ARHGEF3: variants seen among roughly 807,000 people sequenced by gnomAD.
ARHGEF3 encodes Rho guanine nucleotide exchange factor 3.
Under a neutral mutation model 63.2 loss-of-function variants are expected in ARHGEF3, and 28 were observed. The observed-to-expected ratio is 0.44, with a 90% CI of 0.33 to 0.61. The LOEUF (loss-of-function observed/expected upper bound fraction) is 0.61, where lower values mean the gene tolerates loss of function less well. Ranked by LOEUF, ARHGEF3 falls within the 20% of genes least tolerant of loss-of-function variation. ARHGEF3 has a pLI of 0.03. For synonymous variants in ARHGEF3, 266 were observed against 254.2 expected (o/e 1.05, Z -0.44); for missense variants, 533 against 659.3 (o/e 0.81, Z 2.10).
At chr3:56,900,042 A>G (rs1477543378) in intron 3 of ARHGEF3, among the ~76,000 whole-genome samples, 2 of 151,932 alleles carry the variant, frequency 1.3e-5, no homozygotes, top group Non-Finnish European at 2.9e-5. Context: ...GGGAGGGGAG[A>G]GAGTGGAGGC....
intron 2 of ARHGEF3, among the ~76,000 whole-genome samples, chr3:56,977,576 G>T (rs1205356037): frequency 6.6e-6 from 1 of 152,292 alleles, no homozygotes; most frequent in Admixed American, 6.5e-5. Flanking sequence ...AGGTTCCCCA[G>T]GTCCCTGGAC....
chr3:57,058,532 T>G (rs1705040713), intron 1 of ARHGEF3, among the ~76,000 whole-genome samples: 1 of 152,182 alleles, frequency 6.6e-6, no homozygotes, highest in African/African-American at 2.4e-5. Flanking sequence ...GGAAAACTTT[T>G]ACACTGTTGG....
At chr3:56,739,647 G>A (rs1479956822) in intron 7 of ARHGEF3, among the ~76,000 whole-genome samples, 4 of 152,090 alleles carry the variant, frequency 2.6e-5, no homozygotes, top group Admixed American at 2.6e-4. Context: ...CGATCTGCCT[G>A]CCTCGGCCTC....
chr3:56,901,447 A>G lies in ARHGEF3; in HGVS notation c.130-19093T>C, dbSNP rs181386793. 8.2e-4 allele frequency among the ~76,000 whole-genome samples: 123 copies of G among 150,724 alleles called. 2 individuals carry two copies. The highest frequency in any genetic ancestry group is 2.1e-3 in the South Asian group (10 of 4,784). ...ATATGTACATATATATACATACTGTATATATATATATACAGTTGACTCTCA... is the reference window on the plus strand; with the variant it reads ...ATATGTACATATATATACATACTGTGTATATATATATACAGTTGACTCTCA... On this transcript the variant is annotated intron_variant, in intron 3 of 12. Coordinates refer to the ARHGEF3 transcript ENST00000338458.
chr3:56,967,328 TA>T, intron 2 of ARHGEF3, among the ~76,000 whole-genome samples: 1 of 109,366 alleles, frequency 9.1e-6, no homozygotes, highest in Non-Finnish European at 1.8e-5. Context: ...TATTATATAT[TA>T]TATATTGTAC....
intron 1 of ARHGEF3, among the ~76,000 whole-genome samples, chr3:56,795,655 C>CTTTTTTTTTTTTTTT (rs11306302): frequency 2.8e-4 from 37 of 130,556 alleles, no homozygotes; most frequent in East Asian, 1.1e-3. Flanking sequence ...GTCTCTCTCT[C>CTTTTTTTTTTTTTTT]TTTTTTTTTT....
At chr3:57,053,106 T>C (rs142880730) in intron 1 of ARHGEF3, among the ~76,000 whole-genome samples, 448 of 152,346 alleles carry the variant, frequency 2.9e-3, no homozygotes, top group Non-Finnish European at 5.0e-3. Context: ...GGTTCCCATA[T>C]GGGAAAATCC....
chr3:56,963,839 C>T (rs1700376078), intron 2 of ARHGEF3, among the ~76,000 whole-genome samples: 1 of 152,162 alleles, frequency 6.6e-6, no homozygotes, highest in Non-Finnish European at 1.5e-5. Flanking sequence ...GAGAGACTGG[C>T]AGGTGTTTAG....
intron 4 of ARHGEF3, among the ~76,000 whole-genome samples, chr3:56,833,830 C>G (rs956955275): frequency 3.3e-5 from 5 of 152,178 alleles, no homozygotes; most frequent in African/African-American, 1.2e-4. Context: ...GGAGACTCAG[C>G]CCCCAGTGCA....
chr3:56,807,767 C>G (rs1559958012), intron 4 of ARHGEF3, among the ~76,000 whole-genome samples: 1 of 152,198 alleles, frequency 6.6e-6, no homozygotes, highest in African/African-American at 2.4e-5. Context: ...TAAACTCATA[C>G]CAGTATTACT....
chr3:56,783,056 C>T (rs892854532), intron 1 of ARHGEF3, among the ~76,000 whole-genome samples: 1 of 152,032 alleles, frequency 6.6e-6, no homozygotes, highest in South Asian at 2.1e-4. Context: ...TTCGGGGGAG[C>T]CTTGAATAAG....
At chr3:57,061,942 C>A (rs962016721) in intron 1 of ARHGEF3, among the ~76,000 whole-genome samples, 1 of 152,164 alleles carries the variant, frequency 6.6e-6, no homozygotes, top group Non-Finnish European at 1.5e-5. Context: ...CCGGTTGTGA[C>A]AAAAACAAGG....
At chr3:56,966,853 A>AT (rs1700518097) in intron 2 of ARHGEF3, among the ~76,000 whole-genome samples, 1 of 111,802 alleles carries the variant, frequency 8.9e-6, no homozygotes, top group Non-Finnish European at 1.9e-5. Flanking sequence ...TTTTTTAATT[A>AT]TTATTATTAT....
At chr3:56,775,290 C>A in intron 1 of ARHGEF3, 1 of 1,224,168 alleles carries the variant, frequency 8.2e-7, no homozygotes, top group Non-Finnish European at 1.0e-6. Flanking sequence ...ACTCTCATGT[C>A]ATTTTATGCC....
intron 1 of ARHGEF3, among the ~76,000 whole-genome samples, chr3:57,038,310 C>T (rs998200007): frequency 6.6e-6 from 1 of 152,146 alleles, no homozygotes; most frequent in Admixed American, 6.5e-5. Context: ...CTCAATGAGG[C>T]CCCGGGGGTT....
intron 1 of ARHGEF3, 123 bp from the exon 2 acceptor site, chr3:56,773,939 A>T: frequency 1.3e-6 from 1 of 767,290 alleles, no homozygotes; most frequent in Non-Finnish European, 2.0e-6. Flanking sequence ...ATGGAATATA[A>T]AGTGTCACGT....
chr3:56,992,481 C>A (rs1701802775), intron 2 of ARHGEF3, among the ~76,000 whole-genome samples: 1 of 145,048 alleles, frequency 6.9e-6, no homozygotes, highest in Non-Finnish European at 1.5e-5. Context: ...ACATTATGAA[C>A]TGACTGTCAA....
In ARHGEF3 at chr3:56,737,175, A is replaced by G; in HGVS notation, c.1041+10T>C. ...GCGGATAAGACTGCTTAAAGGGAGT[A>G]ACTACTTACCACGCCCCGATTGTTC... On this transcript the variant is annotated intron_variant, in intron 8 of 9. Coordinates refer to ENST00000296315, the MANE Select transcript of ARHGEF3 (RefSeq NM_019555.3). 1.2e-6 allele frequency: 2 copies of G among 1,610,984 alleles called. No individual in the cohort carries two copies. The highest frequency in any genetic ancestry group is 2.7e-5 in the African/African-American group (2 of 74,922).
intron 3 of ARHGEF3, among the ~76,000 whole-genome samples, chr3:56,956,390 C>A (rs1291345269): frequency 6.6e-6 from 1 of 152,046 alleles, no homozygotes; most frequent in Non-Finnish European, 1.5e-5. Context: ...CAGGTGTGTG[C>A]CACAGTGCCC....
Sources: gnomAD v4.1 joint callset for allele counts (sites outside exome capture counted in the v4.1 genomes callset) on GRCh38, gnomAD v4.1.1 for gene constraint, MANE v1.5 for transcripts, NCBI Gene and HGNC (gene_info 2026-07-23, HGNC 2026-07-21) for gene names.